NAALADL2: variants seen among roughly 807,000 people sequenced by gnomAD.
NAALADL2 encodes inactive N-acetylated-alpha-linked acidic dipeptidase-like protein 2.
NAALADL2 carries 76 observed loss-of-function variants against 87.2 expected under a neutral mutation model. That is an observed-to-expected ratio of 0.87 (90% confidence interval 0.72 to 1.05). The LOEUF is 1.05. Among genes scored for constraint, NAALADL2 ranks in the 50% least tolerant of loss-of-function variants. The pLI is 0.00. For synonymous variants in NAALADL2, 354 were observed against 331.0 expected (o/e 1.07, Z -0.75); for missense variants, 1,089 against 945.8 (o/e 1.15, Z -1.99).
At chr3:175,257,017 C>A (rs2109839170) in intron 4 of NAALADL2, 1 of 152,044 alleles carries the variant, frequency 6.6e-6, no homozygotes, top group Non-Finnish European at 1.5e-5. Context: ...TAACTGTGAT[C>A]AGGATTTTAA....
At chr3:174,926,155 GA>G (rs917044915) in intron 1 of NAALADL2, among the ~76,000 whole-genome samples, 34 of 151,976 alleles carry the variant, frequency 2.2e-4, no homozygotes, top group African/African-American at 7.2e-4. Flanking sequence ...GAAGTTTAGA[GA>G]AAAAAAGAGT....
intron 13 of NAALADL2, among the ~76,000 whole-genome samples, chr3:175,801,574 G>A (rs1395853099): frequency 6.6e-6 from 1 of 151,900 alleles, no homozygotes; most frequent in African/African-American, 2.4e-5. Context: ...TTTTGTAACT[G>A]GCAGCTCCCC....
intron 1 of NAALADL2, among the ~76,000 whole-genome samples, chr3:175,004,355 G>C (rs1748702739): frequency 7.1e-6 from 1 of 140,400 alleles, no homozygotes; most frequent in Admixed American, 7.4e-5. Context: ...CTCCAGCCTG[G>C]GTGACAGAGT....
chr3:174,822,623 G>C (rs923332995), intron 3 of NAALADL2, among the ~76,000 whole-genome samples: 81 of 152,190 alleles, frequency 5.3e-4, no homozygotes, highest in African/African-American at 1.9e-3. Flanking sequence ...GCTGGGTCTT[G>C]ATTTATATGT....
intron 4 of NAALADL2, 136 bp from the exon 5 acceptor site, chr3:175,324,039 A>G (rs1169818006): frequency 9.0e-6 from 5 of 553,034 alleles, no homozygotes; most frequent in African/African-American, 4.5e-5. Context: ...AAAAAAAAAA[A>G]AAAAGAAAAA....
intron 6 of NAALADL2, among the ~76,000 whole-genome samples, chr3:175,456,838 A>C (rs1392969383): frequency 6.6e-6 from 1 of 152,034 alleles, no homozygotes; most frequent in East Asian, 1.9e-4. Flanking sequence ...CATGTATTGC[A>C]TCAAGTTGTC....
rs570134451 is a variant in NAALADL2 at position 174,767,138 on chromosome 3, G to C, written c.-9+29392G>C. The stretch of plus-strand genomic sequence containing the variant: ...TAGGCCTGAGTTTTCTGAGGGATTT[G>C]GTTGAAAGATTGGTGAAAATTAGCA... On this transcript the variant is annotated intron_variant, in intron 3 of 3. Coordinates refer to the NAALADL2 transcript ENST00000434257. 4.6e-5 allele frequency among the ~76,000 whole-genome samples: 7 copies of C among 152,242 alleles called. No individual in the cohort carries two copies. In the South Asian group the frequency reaches 8.3e-4, roughly 18 times the overall value.
rs114061682 is a variant in NAALADL2, at chr3:175,411,703, G to A, written c.1091-35526G>A. ...TATGACTGTGTCCATTTGAAATCCA[G>A]TCAGTCACAAGCTAAGATGTCCAAA... is the stretch of plus-strand genomic sequence containing the variant. On this transcript the variant is annotated intron_variant, in intron 5 of 13. Transcript: ENST00000454872. Among the ~76,000 whole-genome samples, 440 of 152,196 alleles carry A rather than the reference G, an allele frequency of 2.9e-3. 2 individuals are homozygous for A. Among genetic ancestry groups the A allele is most frequent in the African/African-American group, 9.7e-3 (405 of 41,566 alleles).
intron 2 of NAALADL2, among the ~76,000 whole-genome samples, chr3:174,653,228 T>G (rs1339794196): frequency 6.6e-6 from 1 of 152,186 alleles, no homozygotes; most frequent in African/African-American, 2.4e-5. Context: ...CACAGCAGCA[T>G]CATATATATA....
rs577606957 is a variant in NAALADL2, at chr3:175,222,559, G to A, written c.546-11372G>A. On this transcript the variant is annotated intron_variant, in intron 2 of 13. Transcript: ENST00000454872. ...ATGTCCATAAGCAGAACAGGAAAACGTGTGTCATTCAGTGTATTCTTAGAA... is the reference window on the plus strand; with the variant it reads ...ATGTCCATAAGCAGAACAGGAAAACATGTGTCATTCAGTGTATTCTTAGAA... Among the ~76,000 whole-genome samples, 33 of 152,282 alleles carry A rather than the reference G, an allele frequency of 2.2e-4. No individual in the cohort carries two copies. In the South Asian group the frequency reaches 3.1e-3, roughly 14 times the overall value.
At chr3:174,475,848 G>A (rs1560005192) in intron 1 of NAALADL2, among the ~76,000 whole-genome samples, 1 of 151,652 alleles carries the variant, frequency 6.6e-6, no homozygotes, top group Non-Finnish European at 1.5e-5. Flanking sequence ...GTAGTTGTGG[G>A]GATATTAAGA....
At chr3:175,201,908 T>C (rs1740096124) in intron 2 of NAALADL2, among the ~76,000 whole-genome samples, 1 of 152,220 alleles carries the variant, frequency 6.6e-6, no homozygotes, top group East Asian at 1.9e-4. Context: ...ATCTGTTCTT[T>C]CTAAGAAAGA....
At position 174,618,109 on chromosome 3, in the gene NAALADL2, A is replaced by T. The variant is rs554492009; in HGVS notation, c.-115+67472A>T. On this transcript the variant is annotated intron_variant, in intron 2 of 3. Transcript: ENST00000434257. ...AAATTTTTCTTCTTGGATGCCTTTT[A>T]AGAATGTAACAGATAGTAACTCAAC... 6.2e-4 allele frequency among the ~76,000 whole-genome samples: 94 copies of T among 151,890 alleles called. 1 individual carries two copies. Among genetic ancestry groups the T allele is most frequent in the African/African-American group, 2.1e-3 (87 of 41,548 alleles).
At chr3:174,613,225 T>C (rs1386803467) in intron 2 of NAALADL2, among the ~76,000 whole-genome samples, 1 of 152,126 alleles carries the variant, frequency 6.6e-6, no homozygotes, top group Non-Finnish European at 1.5e-5. Flanking sequence ...ACCAGGACTG[T>C]GCTGGGTCAG....
intron 9 of NAALADL2, among the ~76,000 whole-genome samples, chr3:175,497,851 A>G (rs991158523): frequency 6.6e-6 from 1 of 152,160 alleles, no homozygotes; most frequent in Admixed American, 6.6e-5. Flanking sequence ...TTGTTCCTCT[A>G]TAAATTGGAG....
At chr3:174,692,650 G>A (rs968928231) in intron 2 of NAALADL2, among the ~76,000 whole-genome samples, 12 of 151,826 alleles carry the variant, frequency 7.9e-5, no homozygotes, top group African/African-American at 1.9e-4. Flanking sequence ...AAGAATGTTC[G>A]GAAACCTCTA....
chr3:174,797,819 T>C (rs941099550), intron 3 of NAALADL2, among the ~76,000 whole-genome samples: 4 of 152,190 alleles, frequency 2.6e-5, no homozygotes, highest in African/African-American at 9.6e-5. Context: ...TTTTATGGGT[T>C]ATGTTTTCAT....
rs1303278975 is a variant in NAALADL2 at position 175,718,197 on chromosome 3, T to TTC, written c.1897-19108_1897-19107insCT. On this transcript the variant is annotated intron_variant, in intron 11 of 13. Transcript: ENST00000454872. ...GAGGGGAAGGGGAAGGGCCTGTGGT[T>TTC]TTTTTTTTTTTTTTTTTTTTTTTTT... The TTC allele has an allele frequency of 8.4e-4, 300 of 359,176 alleles. No individual in the cohort carries two copies. In the African/African-American group the frequency reaches 0.017, roughly 21 times the overall value. 22.2% of individuals were successfully genotyped at this position (359,176 alleles called of 1,614,324 possible).
At chr3:175,156,955 A>G (rs1432569031) in intron 2 of NAALADL2, among the ~76,000 whole-genome samples, 1 of 152,078 alleles carries the variant, frequency 6.6e-6, no homozygotes, top group Non-Finnish European at 1.5e-5. Context: ...GTTTCTTTAC[A>G]TAACAAAGCC....
Sources: gnomAD v4.1 joint callset for allele counts (sites outside exome capture counted in the v4.1 genomes callset) on GRCh38, gnomAD v4.1.1 for gene constraint, MANE v1.5 for transcripts, NCBI Gene and HGNC (gene_info 2026-07-23, HGNC 2026-07-21) for gene names.